DLG2: variants seen among roughly 807,000 people sequenced by gnomAD.
DLG2 encodes discs large MAGUK scaffold protein 2.
DLG2 carries 45 observed loss-of-function variants against 132.5 expected under a neutral mutation model. The observed-to-expected ratio is 0.34, with a 90% CI of 0.27 to 0.44. The LOEUF is 0.44. Among genes scored for constraint, DLG2 ranks in the 20% least tolerant of loss-of-function variants. DLG2 has a pLI of 1.00. For synonymous variants in DLG2, 424 were observed against 419.6 expected (o/e 1.01, Z -0.13); for missense variants, 1,045 against 1,196.9 (o/e 0.87, Z 1.87).
intron 10 of DLG2, among the ~76,000 whole-genome samples, chr11:84,076,949 C>G (rs932133373): frequency 6.6e-6 from 1 of 152,180 alleles, no homozygotes; most frequent in Non-Finnish European, 1.5e-5. Context: ...CCTTTCTATT[C>G]CTATTACAGT....
At chr11:85,340,891 AT>A (rs2152858498) in intron 3 of DLG2, among the ~76,000 whole-genome samples, 1 of 152,262 alleles carries the variant, frequency 6.6e-6, no homozygotes, top group Admixed American at 6.5e-5. Flanking sequence ...ATAGGATTTC[AT>A]TTCTTATATT....
intron 8 of DLG2, among the ~76,000 whole-genome samples, chr11:84,222,785 T>A (rs1353088193): frequency 6.6e-6 from 1 of 152,136 alleles, no homozygotes; most frequent in Non-Finnish European, 1.5e-5. Flanking sequence ...GAAAGATAGG[T>A]TTAAAACTAA....
intron 8 of DLG2, among the ~76,000 whole-genome samples, chr11:84,215,177 C>G (rs530038753): frequency 1.2e-4 from 19 of 152,264 alleles, no homozygotes; most frequent in Admixed American, 9.2e-4. Flanking sequence ...CGAAACACGT[C>G]AAAGCTTATT....
chr11:83,909,449 C>A (rs1329455213), intron 15 of DLG2, among the ~76,000 whole-genome samples: 1 of 152,150 alleles, frequency 6.6e-6, no homozygotes, highest in Non-Finnish European at 1.5e-5. Context: ...GGTAGCACTG[C>A]AACTGACAAT....
intron 6 of DLG2, among the ~76,000 whole-genome samples, chr11:84,840,037 A>C (rs934376651): frequency 3.3e-5 from 5 of 152,136 alleles, no homozygotes; most frequent in African/African-American, 4.8e-5. Context: ...AGAAACTACC[A>C]TCGAGTGAAC....
intron 7 of DLG2, among the ~76,000 whole-genome samples, chr11:84,430,095 T>C (rs951624219): frequency 3.3e-5 from 5 of 152,286 alleles, no homozygotes; most frequent in Admixed American, 2.6e-4. Flanking sequence ...CCACCACTTG[T>C]GACCTATGGC....
chr11:85,161,150 G>A (rs78835903), intron 4 of DLG2, among the ~76,000 whole-genome samples: 1,758 of 152,240 alleles, frequency 0.012, 29 homozygotes, highest in African/African-American at 0.039. Context: ...GTATCGCATG[G>A]GATTGCTCTC....
chr11:85,414,290 G>T (rs969067056), intron 3 of DLG2, among the ~76,000 whole-genome samples: 2 of 151,948 alleles, frequency 1.3e-5, no homozygotes, highest in Non-Finnish European at 2.9e-5. Context: ...AGTTCTAGGA[G>T]CTTTCTGGAG....
At chr11:84,800,334 A>G (rs1270576593) in intron 6 of DLG2, among the ~76,000 whole-genome samples, 1 of 152,198 alleles carries the variant, frequency 6.6e-6, no homozygotes, top group African/African-American at 2.4e-5. Context: ...AAATAATTTT[A>G]AAGATAGTGT....
intron 15 of DLG2, 51 bp from the exon 16 acceptor site, chr11:83,874,539 T>TTA (rs776526082): frequency 1.6e-4 from 213 of 1,358,082 alleles, no homozygotes; most frequent in African/African-American, 5.4e-4. Flanking sequence ...TTTTTATTTT[T>TTA]TTATTTTTTT....
intron 18 of DLG2, chr11:83,682,500 A>G (rs1237475282): frequency 1.1e-6 from 1 of 944,934 alleles, no homozygotes; most frequent in African/African-American, 1.8e-5. Context: ...CTTTCCCACC[A>G]TCAGTAGTGT....
chr11:83,478,311 C>A (rs573191240), intron 22 of DLG2, among the ~76,000 whole-genome samples: 1 of 152,134 alleles, frequency 6.6e-6, no homozygotes, highest in East Asian at 1.9e-4. Context: ...GAGTGGCTGG[C>A]CTTCTGTAAC....
At chr11:83,884,505 C>T (rs924265610) in intron 15 of DLG2, among the ~76,000 whole-genome samples, 3 of 152,214 alleles carry the variant, frequency 2.0e-5, no homozygotes, top group Middle Eastern at 3.2e-3. Flanking sequence ...TAGGATCCAC[C>T]TCTGGGGGCA....
chr11:84,979,958 A>C lies in DLG2; in HGVS notation c.357+131703T>G, dbSNP rs115534737. Reference sequence around the variant, plus strand: ...TCCCTATCTAGCAATGCCTCTTGGCATACAGACATGCTTTATTATTTAGGA... The same window carrying C: ...TCCCTATCTAGCAATGCCTCTTGGCCTACAGACATGCTTTATTATTTAGGA... On this transcript the variant is annotated intron_variant, in intron 6 of 27. Coordinates refer to ENST00000376104, the MANE Select transcript of DLG2 (RefSeq NM_001142699.3). 9.6e-3 allele frequency among the ~76,000 whole-genome samples: 1,458 copies of C among 152,232 alleles called. 29 individuals carry two copies. Among genetic ancestry groups the C allele is most frequent in the African/African-American group, 0.033 (1,389 of 41,536 alleles).
At chr11:85,026,753 C>T (rs1325583692) in intron 6 of DLG2, among the ~76,000 whole-genome samples, 2 of 151,944 alleles carry the variant, frequency 1.3e-5, no homozygotes, top group Non-Finnish European at 2.9e-5. Flanking sequence ...AGAAGAATGG[C>T]GTGAACTGGG....
intron 6 of DLG2, among the ~76,000 whole-genome samples, chr11:84,632,397 G>T (rs1438504519): frequency 1.3e-5 from 2 of 152,016 alleles, no homozygotes; most frequent in Non-Finnish European, 2.9e-5. Context: ...CTGGAAATAA[G>T]AATCTTTATT....
chr11:84,722,326 T>A (rs905515737), intron 6 of DLG2, among the ~76,000 whole-genome samples: 1 of 152,190 alleles, frequency 6.6e-6, no homozygotes, highest in Non-Finnish European at 1.5e-5. Context: ...TCCATCAGAA[T>A]GTCAGACCAC....
intron 6 of DLG2, among the ~76,000 whole-genome samples, chr11:84,803,905 T>G (rs1052721905): frequency 1.3e-5 from 2 of 152,318 alleles, no homozygotes; most frequent in South Asian, 4.1e-4. Context: ...ATGTCTAGTA[T>G]TTCCTAGAAC....
At chr11:83,966,403 C>G (rs1340007374) in intron 12 of DLG2, among the ~76,000 whole-genome samples, 1 of 152,006 alleles carries the variant, frequency 6.6e-6, no homozygotes, top group Non-Finnish European at 1.5e-5. Flanking sequence ...ATTGTGTTAA[C>G]AGAAATGCCT....
Sources: allele counts gnomAD v4.1 joint callset (sites outside exome capture counted in the v4.1 genomes callset), GRCh38; gene constraint gnomAD v4.1.1; transcripts MANE v1.5; gene names NCBI Gene and HGNC (gene_info 2026-07-23, HGNC 2026-07-21).